PCDH15: variants seen among roughly 807,000 people sequenced by gnomAD.
PCDH15 encodes the protein protocadherin related 15, also known as protocadherin-15.
In PCDH15, 129 loss-of-function variants were observed where a neutral mutation model predicts 178.5. The ratio of observed to expected loss-of-function variants is 0.72; its 90% CI spans 0.63 to 0.84. PCDH15 has a LOEUF of 0.84. Among genes scored for constraint, PCDH15 ranks in the 40% least tolerant of loss-of-function variants. The pLI is 0.00. For missense variants in PCDH15, 2,230 were observed against 2,099.9 expected, an observed-to-expected ratio of 1.06 and a Z score of -1.21; for synonymous variants, 800 against 732.0, an observed-to-expected ratio of 1.09 and a Z score of -1.50.
At chr10:54,868,961 T>G (rs1239058015) in intron 3 of PCDH15, 1 of 152,062 alleles carries the variant, frequency 6.6e-6, no homozygotes, top group Non-Finnish European at 1.5e-5. Context: ...AGCCATAGCA[T>G]GGAATAAAAT....
intron 2 of PCDH15, among the ~76,000 whole-genome samples, chr10:54,937,423 G>A (rs1837936043): frequency 6.6e-6 from 1 of 151,842 alleles, no homozygotes; most frequent in East Asian, 1.9e-4. Context: ...CCATCTTAAT[G>A]ATATTAAATC....
chr10:54,148,430 C>A lies in PCDH15; in HGVS notation c.1784+4670G>T, dbSNP rs533449675. Among the ~76,000 whole-genome samples the A allele has an allele frequency of 3.3e-5, 5 of 152,048 alleles. No individual in the cohort carries two copies. The East Asian group carries it at 9.7e-4, about 30-fold the overall frequency. ...AATCATCTCGAGATTACTTGTAATA[C>A]ATATAAAATATTAATGCTAATAGTT... On this transcript the variant is annotated intron_variant, in intron 14 of 37. Transcript: ENST00000644397.
intron 2 of PCDH15, among the ~76,000 whole-genome samples, chr10:55,369,305 T>C (rs1279109808): frequency 6.6e-6 from 1 of 152,110 alleles, no homozygotes; most frequent in African/African-American, 2.4e-5. Flanking sequence ...TTCACCTCTA[T>C]CAAGCACCTG....
At chr10:54,669,557 A>C (rs1283690659) in intron 1 of PCDH15, among the ~76,000 whole-genome samples, 2 of 150,590 alleles carry the variant, frequency 1.3e-5, no homozygotes, top group Non-Finnish European at 2.9e-5. Context: ...TAAAGTTTGC[A>C]ATTTAAATTC....
At chr10:53,856,759 CAGTA>C (rs151276233) in intron 28 of PCDH15, among the ~76,000 whole-genome samples, 4,215 of 152,084 alleles carry the variant, frequency 0.028, 123 homozygotes, top group East Asian at 0.14. Context: ...TTTGAGAAAA[CAGTA>C]AGCTAAATTA....
At chr10:55,130,477 T>G (rs181988355) in intron 2 of PCDH15, among the ~76,000 whole-genome samples, 1 of 152,300 alleles carries the variant, frequency 6.6e-6, no homozygotes, top group East Asian at 1.9e-4. Context: ...ACTTAGTAGT[T>G]TAGAACACAG....
intron 1 of PCDH15, among the ~76,000 whole-genome samples, chr10:54,799,009 T>C (rs1952354875): frequency 6.6e-6 from 1 of 152,156 alleles, no homozygotes; most frequent in Admixed American, 6.6e-5. Context: ...TACATTTTAC[T>C]ATTTTGAGAA....
At chr10:54,690,439 C>T (rs1183810445) in intron 1 of PCDH15, among the ~76,000 whole-genome samples, 4 of 151,442 alleles carry the variant, frequency 2.6e-5, no homozygotes, top group East Asian at 2.0e-4. Context: ...CTCAGTCTCC[C>T]GAGTAGCTGG....
chr10:54,757,305 C>T lies in PCDH15; in HGVS notation c.-29+43620G>A, dbSNP rs567201332. Among the ~76,000 whole-genome samples, 54 of 15,108 alleles carry T rather than the reference C, an allele frequency of 3.6e-3. 16 individuals carry two copies. The highest frequency in any genetic ancestry group is 0.019 in the African/African-American group (44 of 2,270). The allele number at this position is 15,108 out of a possible 152,430, so 9.9% of individuals were successfully genotyped here. A position where few individuals can be genotyped will look rare whatever the true frequency, so the allele number is the denominator to read the frequency against. ...TTTTTTTTTTTTTTTTTTTTTGAGA[C>T]GGAGTTTCGCTCTGTCGCCCAGGCT... On this transcript the variant is annotated intron_variant, in intron 1 of 37. Coordinates refer to ENST00000644397, the MANE Select transcript of PCDH15 (RefSeq NM_001384140.1).
intron 3 of PCDH15, among the ~76,000 whole-genome samples, chr10:54,895,416 A>G (rs1264886615): frequency 6.6e-6 from 1 of 152,192 alleles, no homozygotes; most frequent in Non-Finnish European, 1.5e-5. Flanking sequence ...GCTTCATTGT[A>G]CTATACTCAG....
chr10:55,475,652 A>G (rs765193527), intron 2 of PCDH15, among the ~76,000 whole-genome samples: 2 of 152,170 alleles, frequency 1.3e-5, no homozygotes, highest in Non-Finnish European at 2.9e-5. Context: ...CTGTGTATAA[A>G]AGGTGTAAGT....
At chr10:54,632,564 A>G (rs547735672) in intron 2 of PCDH15, among the ~76,000 whole-genome samples, 45 of 152,278 alleles carry the variant, frequency 3.0e-4, no homozygotes, top group Middle Eastern at 3.4e-3. Flanking sequence ...GCAAATTTAA[A>G]TTTATTTCAA....
At chr10:55,410,550 G>A (rs1191045823) in intron 2 of PCDH15, among the ~76,000 whole-genome samples, 1 of 152,044 alleles carries the variant, frequency 6.6e-6, no homozygotes, top group East Asian at 1.9e-4. Flanking sequence ...TCTTACCCCC[G>A]TCAGTCAAAA....
rs73256034 is a variant in PCDH15 at position 54,855,970 on chromosome 10, T to C, written c.-29+41480A>G. Among the ~76,000 whole-genome samples, 537 of 152,262 alleles carry C rather than the reference T, an allele frequency of 3.5e-3. 5 individuals are homozygous for C. The highest frequency in any genetic ancestry group is 0.012 in the African/African-American group (519 of 41,562). ...AATAGATTCCTTCCTACAAAGAGGG[T>C]GTTTTTTCATAGGCAAATAAACTGT... On this transcript the variant is annotated intron_variant, in intron 3 of 5. Transcript: ENST00000458638.
chr10:54,631,799 A>G (rs1283697113), intron 2 of PCDH15, among the ~76,000 whole-genome samples: 1 of 152,106 alleles, frequency 6.6e-6, no homozygotes, highest in Admixed American at 6.6e-5. Context: ...CACCTTTTTC[A>G]TAAGGAGGCA....
chr10:54,778,162 T>C (rs1293884671), intron 1 of PCDH15, among the ~76,000 whole-genome samples: 1 of 152,188 alleles, frequency 6.6e-6, no homozygotes, highest in East Asian at 1.9e-4. Flanking sequence ...CAAATGAGAA[T>C]GTTGCTAACA....
At chr10:53,857,554 G>A (rs1026568337) in intron 27 of PCDH15, among the ~76,000 whole-genome samples, 1 of 143,928 alleles carries the variant, frequency 6.9e-6, no homozygotes. Context: ...TATTTACTGA[G>A]ACATGAAGGG....
chr10:54,116,423 C>A (rs1331832859), intron 15 of PCDH15, among the ~76,000 whole-genome samples: 1 of 152,088 alleles, frequency 6.6e-6, no homozygotes, highest in African/African-American at 2.4e-5. Context: ...AGAAGGTTTA[C>A]GGGACCAAGA....
chr10:54,938,251 T>C (rs1243490325), intron 2 of PCDH15, among the ~76,000 whole-genome samples: 4 of 150,058 alleles, frequency 2.7e-5, no homozygotes, highest in African/African-American at 9.7e-5. Flanking sequence ...TCATTAAAGA[T>C]ATTACTTTAT....
Sources: allele counts gnomAD v4.1 joint callset (sites outside exome capture counted in the v4.1 genomes callset), GRCh38; gene constraint gnomAD v4.1.1; transcripts MANE v1.5; gene names NCBI Gene and HGNC (gene_info 2026-07-23, HGNC 2026-07-21).